The following ZSCAN12 variants were observed in gnomAD, a reference collection of about 807,000 sequenced individuals.
The protein encoded by ZSCAN12 is zinc finger and SCAN domain-containing protein 12.
In ZSCAN12, 18 loss-of-function variants were observed where a neutral mutation model predicts 23.4. The observed-to-expected ratio is 0.77, with a 90% CI of 0.53 to 1.14. The LOEUF is 1.14. ZSCAN12 is among the 50% of genes most tolerant of loss of function. The pLI, the probability that ZSCAN12 is intolerant of heterozygous loss-of-function variation, is 0.00. For missense variants in ZSCAN12, 650 were observed against 735.0 expected (o/e 0.88, Z 1.34); for synonymous variants, 186 against 253.4 (o/e 0.73, Z 2.53).
chr6:28,386,691 C>T lies in ZSCAN12; in HGVS notation c.*3763G>A, dbSNP rs1411897914. 6.6e-6 allele frequency among the ~76,000 whole-genome samples: 1 copy of T among 152,184 alleles called. No individual in the cohort carries two copies. Among genetic ancestry groups the T allele is most frequent in the East Asian group, 1.9e-4 (1 of 5,202 alleles). The stretch of plus-strand genomic sequence containing the variant: ...TAGTAGCCTTATTCTACTATATTTC[C>T]TCTTTATCCTGGAAAGCTAGTTTAA... On this transcript the variant is annotated 3_prime_UTR_variant, in exon 4 of 4. Coordinates refer to ENST00000684592, the MANE Select transcript of ZSCAN12 (RefSeq NM_001163391.2).
downstream of ZSCAN12, among the ~76,000 whole-genome samples, chr6:28,383,372 G>A (rs1374411677): frequency 6.6e-6 from 1 of 152,080 alleles, no homozygotes; most frequent in Non-Finnish European, 1.5e-5. Flanking sequence ...GAAACCACCC[G>A]CCTCCAAAGG....
chr6:28,385,646 A>C lies in ZSCAN12; in HGVS notation c.*4808T>G, dbSNP rs1459082515. Among the ~76,000 whole-genome samples, 1 of 152,200 alleles carries C rather than the reference A, an allele frequency of 6.6e-6. No homozygotes were observed. Among genetic ancestry groups the C allele is most frequent in the African/African-American group, 2.4e-5 (1 of 41,448 alleles). ...ACCACATACTAACTTCGGGACCTTGAGCAGCTTTAGATTATCTATTTCAGT... is the reference window on the plus strand; with the variant it reads ...ACCACATACTAACTTCGGGACCTTGCGCAGCTTTAGATTATCTATTTCAGT... On this transcript the variant is annotated 3_prime_UTR_variant, in exon 4 of 4. Transcript: ENST00000684592.
intron 2 of ZSCAN12, 81 bp downstream of exon 2, chr6:28,397,923 G>A: frequency 7.0e-7 from 1 of 1,429,922 alleles, no homozygotes; most frequent in Non-Finnish European, 9.2e-7. Context: ...CATGCTTTGT[G>A]AAAAAATGGC....
chr6:28,383,136 T>A (rs960919223), downstream of ZSCAN12, among the ~76,000 whole-genome samples: 1 of 151,116 alleles, frequency 6.6e-6, no homozygotes, highest in Non-Finnish European at 1.5e-5. Flanking sequence ...GGATTCTGTC[T>A]TTTCTTGTAC....
In ZSCAN12 at chr6:28,398,110, G is replaced by A. The variant is rs1761207872; in HGVS notation, c.296C>T (p.Pro99Leu). The change falls in exon 2 of 4, where the codon CCT (proline) becomes CTT (leucine). Residue 99 changes from proline to leucine, a missense_variant. Coordinates refer to ENST00000684592, the MANE Select transcript of ZSCAN12 (RefSeq NM_001163391.2). ...CTGCACCCAGGCCTGGAGCTCCTCA[G>A]GTAGGATGGTCAGGAACTGCTCCAG... ...LVLEQFLTILPEELQAWVQEQ... is the reference protein window; with the variant it reads ...LVLEQFLTILLEELQAWVQEQ... The A allele has an allele frequency of 6.2e-7, 1 of 1,614,070 alleles. No homozygotes were observed. Among genetic ancestry groups the A allele is most frequent in the Non-Finnish European group, 8.5e-7 (1 of 1,180,016 alleles).
Position 28,390,530 on chromosome 6 carries a change from C to G in ZSCAN12, c.1760G>C (p.Gly587Ala). ...AGCTGAGTTCTGCCTGAATGATTTCCCACACTCTTTACATACATAGGTACC... is the reference window on the plus strand; with the variant it reads ...AGCTGAGTTCTGCCTGAATGATTTCGCACACTCTTTACATACATAGGTACC... ...RRGTYVCKEC[G>A]KSFRQNSALT... The change falls in exon 4 of 4, where the codon GGG (glycine) becomes GCG (alanine). Residue 587 changes from glycine to alanine, a missense_variant. Gly to Ala is a moderately conservative substitution (Grantham distance 60). Coordinates refer to ENST00000684592, the MANE Select transcript of ZSCAN12 (RefSeq NM_001163391.2). 6.4e-7 allele frequency: 1 copy of G among 1,558,628 alleles called. No homozygotes were observed.
In ZSCAN12 at chr6:28,389,463, C is replaced by T. The variant is rs1286017237; in HGVS notation, c.*991G>A. 6.6e-6 allele frequency among the ~76,000 whole-genome samples: 1 copy of T among 152,178 alleles called. No individual in the cohort carries two copies. Among genetic ancestry groups the T allele is most frequent in the African/African-American group, 2.4e-5 (1 of 41,444 alleles). On this transcript the variant is annotated 3_prime_UTR_variant, in exon 4 of 4. Transcript: ENST00000684592. The stretch of plus-strand genomic sequence containing the variant: ...ACTGTGTTCAGGCTTCCCCACTTCG[C>T]AGACAGCCATGAAGTCAGCTGTCAT...
chr6:28,389,783 G>A lies in ZSCAN12; in HGVS notation c.*671C>T, dbSNP rs1196414076. On this transcript the variant is annotated 3_prime_UTR_variant, in exon 4 of 4. Transcript: ENST00000684592. ...AGAGTATTCTCATTTTTAAAATGGA[G>A]AATGCTTTTGATTTACCAAGGTATT... Among the ~76,000 whole-genome samples the A allele has an allele frequency of 6.6e-6, 1 of 152,180 alleles. No individual in the cohort carries two copies. The highest frequency in any genetic ancestry group is 2.4e-5 in the African/African-American group (1 of 41,448).
rs1760848709 is a variant in ZSCAN12, at chr6:28,391,698, CTT to C, written c.590_591del (p.Gln197ArgfsTer4). On this transcript the variant is annotated frameshift_variant, in exon 4 of 4. Coordinates refer to ENST00000684592, the MANE Select transcript of ZSCAN12 (RefSeq NM_001163391.2). LOFTEE classifies it low-confidence loss of function (END_TRUNC). This position sits in a 1 kb window ranked among gnomAD's most constrained non-coding sequence, Gnocchi z 4.1. ...TGTGGTTCCATTTCTTCAGAAACTT[CTT>C]GCTTTAAATTCCCATACTCATTTCC... Reference protein sequence around the residue: ...ETGNEYGNLKQEVSEEMEPHG... With the variant: ...ETGNEYGNLKXEVSEEMEPHG... The C allele has an allele frequency of 6.5e-7, 1 of 1,545,314 alleles. No homozygotes were observed. The highest frequency in any genetic ancestry group is 1.4e-5 in the African/African-American group (1 of 72,734).
In ZSCAN12 at chr6:28,391,818, T is replaced by G; in HGVS notation, c.548-76A>C. On this transcript the variant is annotated intron_variant, in intron 3 of 3. Coordinates refer to ENST00000684592, the MANE Select transcript of ZSCAN12 (RefSeq NM_001163391.2). The surrounding 1 kb of genome is among the most constrained non-coding windows in gnomAD (Gnocchi z 4.1). ...TACATTTTAATATTAAGCAGCTGTT[T>G]AGAAATAAAAAATGCAAGAGTCTAC... is the stretch of plus-strand genomic sequence containing the variant. The G allele has an allele frequency of 1.3e-5, 16 of 1,221,878 alleles. No individual in the cohort carries two copies. Among genetic ancestry groups the G allele is most frequent in the Non-Finnish European group, 1.8e-5 (16 of 909,560 alleles). The allele number at this position is 1,221,878 out of a possible 1,614,324, so 75.7% of individuals were successfully genotyped here.
downstream of ZSCAN12, among the ~76,000 whole-genome samples, chr6:28,383,886 T>C (rs561613768): frequency 2.6e-5 from 4 of 152,322 alleles, no homozygotes; most frequent in South Asian, 8.3e-4. Context: ...CCTGGGTCAC[T>C]GGCATCTAGA....
intron 1 of ZSCAN12, among the ~76,000 whole-genome samples, 157 bp from the exon 2 acceptor site, chr6:28,398,630 G>A (rs1761249342): frequency 6.6e-6 from 1 of 151,926 alleles, no homozygotes; most frequent in African/African-American, 2.4e-5. Context: ...AGATTAGACC[G>A]ATTTAGGCCG....
At chr6:28,398,548 G>A in intron 1 of ZSCAN12, 75 bp from the exon 2 acceptor site, 2 of 800,288 alleles carry the variant, frequency 2.5e-6, no homozygotes, top group South Asian at 2.3e-5. Context: ...ACTTAACTAT[G>A]ACCTTTGAAA....
At chr6:28,379,976 C>T (rs1015063078), downstream of ZSCAN12, 1 of 152,130 alleles carries the variant, frequency 6.6e-6, no homozygotes, top group Admixed American at 6.5e-5. Context: ...GATCACAAAT[C>T]CAGAGATGCA....
At chr6:28,393,318 A>C (rs77145427) in intron 2 of ZSCAN12, among the ~76,000 whole-genome samples, 3,623 of 152,210 alleles carry the variant, frequency 0.024, 78 homozygotes, top group African/African-American at 0.065. Flanking sequence ...AAGTGGAGAA[A>C]GGAAAGGGAG....
chr6:28,381,032 G>A (rs1162981943), downstream of ZSCAN12: 1 of 152,212 alleles, frequency 6.6e-6, no homozygotes, highest in South Asian at 2.1e-4. Flanking sequence ...GCACGTGGCA[G>A]GGTAGGAGTA....
rs1383382191 is a variant in ZSCAN12 at position 28,388,600 on chromosome 6, C to T, written c.*1854G>A. ...TTACAGGAGTGAAGAGAAGATGGGA[C>T]AAAGACACAGGGCTGTGTAGAAAGG... On this transcript the variant is annotated 3_prime_UTR_variant, in exon 4 of 4. Transcript: ENST00000684592. 6.6e-6 allele frequency among the ~76,000 whole-genome samples: 1 copy of T among 152,072 alleles called. No individual in the cohort carries two copies. Among genetic ancestry groups the T allele is most frequent in the East Asian group, 1.9e-4 (1 of 5,192 alleles).
rs560025155 is a variant in ZSCAN12 at position 28,390,859 on chromosome 6, G to C, written c.1431C>G (p.Ala477=). 37 of 1,582,728 alleles carry C rather than the reference G, an allele frequency of 2.3e-5. 1 individual carries two copies. In the African/African-American group the frequency reaches 4.7e-4, roughly 20 times the overall value. ...CTGTAAGACTTGTCCTTTGAATAAA[G>C]GCTTTTTCACATACGTCACATTTGT... ...KPYKCDVCEK[A]FIQRTSLTEH... The change falls in exon 4 of 4, where the codon GCC becomes GCG. Residue 477 remains alanine, a synonymous_variant. Coordinates refer to ENST00000684592, the MANE Select transcript of ZSCAN12 (RefSeq NM_001163391.2).
At position 28,391,330 on chromosome 6, in the gene ZSCAN12, G is replaced by C; in HGVS notation, c.960C>G (p.His320Gln). The change falls in exon 4 of 4, where the codon CAC (histidine) becomes CAG (glutamine). Residue 320 changes from histidine to glutamine, a missense_variant. Transcript: ENST00000684592. The surrounding 1 kb of genome is among the most constrained non-coding windows in gnomAD (Gnocchi z 4.1). ...GTTTCTCTCCAGTGTGTATTATTTT[G>C]TGTCGAATAAGCACAGTTCTCCCAC... ...AFRGRTVLIR[H>Q]KIIHTGEKPY... 6.4e-7 allele frequency: 1 copy of C among 1,552,048 alleles called. No homozygotes were observed. Among genetic ancestry groups the C allele is most frequent in the Non-Finnish European group, 8.7e-7 (1 of 1,147,114 alleles).
Sources: allele counts gnomAD v4.1 joint callset (sites outside exome capture counted in the v4.1 genomes callset), GRCh38; gene constraint gnomAD v4.1.1; non-coding constraint Gnocchi (gnomAD v3.1); transcripts MANE v1.5; gene names NCBI Gene and HGNC (gene_info 2026-07-23, HGNC 2026-07-21).